CFAP46: variants seen among roughly 807,000 people sequenced by gnomAD.
CFAP46 encodes cilia and flagella associated protein 46.
CFAP46 carries 245 observed loss-of-function variants against 325.7 expected under a neutral mutation model. That is an observed-to-expected ratio of 0.75 (90% CI 0.68 to 0.84). The LOEUF is 0.84. CFAP46 is among the 40% of genes least tolerant of loss of function. CFAP46 has a pLI of 0.00. For synonymous variants in CFAP46, 1,523 were observed against 1,495.9 expected (o/e 1.02, Z -0.42); for missense variants, 3,346 against 3,543.0 (o/e 0.94, Z 1.41).
Position 132,817,630 on chromosome 10 carries a change from G to A in CFAP46, c.7118-2716C>T, listed in dbSNP as rs751822797. On this transcript the variant is annotated intron_variant, in intron 50 of 57. Transcript: ENST00000368586. The surrounding 1 kb of genome is among the most constrained non-coding windows in gnomAD (Gnocchi z 4.4). ...CCGACTCTCTGGTGGTGTCCTTAGC[G>A]CTTTACGGCAGTGCGGCCACACCTG... Among the ~76,000 whole-genome samples the A allele has an allele frequency of 1.1e-4, 17 of 152,180 alleles. No homozygotes were observed. The highest frequency in any genetic ancestry group is 1.9e-4 in the Non-Finnish European group (13 of 68,038).
At position 132,883,754 on chromosome 10, in the gene CFAP46, G is replaced by C. The variant is rs551365302; in HGVS notation, c.3627+1349C>G. Among the ~76,000 whole-genome samples, 4 of 152,316 alleles carry C rather than the reference G, an allele frequency of 2.6e-5. No individual in the cohort carries two copies. The South Asian group carries it at 8.3e-4, about 32-fold the overall frequency. ...GACTGTAAGACACATAACGGAATACGACTCAGTCCTAAACGGGAATGATGG... is the reference window on the plus strand; with the variant it reads ...GACTGTAAGACACATAACGGAATACCACTCAGTCCTAAACGGGAATGATGG... On this transcript the variant is annotated intron_variant, in intron 27 of 57. Transcript: ENST00000368586.
At chr10:132,859,656 C>T (rs1043771042) in intron 37 of CFAP46, among the ~76,000 whole-genome samples, 15 of 152,170 alleles carry the variant, frequency 9.9e-5, no homozygotes, top group African/African-American at 7.2e-5. Flanking sequence ...AGGCATGAGG[C>T]CGCCGCCCCG....
intron 27 of CFAP46, among the ~76,000 whole-genome samples, chr10:132,883,452 G>T (rs1202434463): frequency 6.6e-6 from 1 of 152,264 alleles, no homozygotes. Flanking sequence ...GGCACAGCTA[G>T]AATAGTCAGA....
chr10:132,867,401 T>C lies in CFAP46; in HGVS notation c.4717A>G (p.Ile1573Val). Reference protein sequence around the residue: ...EQTLPVQPGEIKPLDAKDKIL... With the variant: ...EQTLPVQPGEVKPLDAKDKIL... ...TTGTCCTTGGCGTCCAGTGGTTTGA[T>C]CTCCCCAGGCTGGACAGGAAGTGTC... The change falls in exon 34 of 58, where the codon ATC becomes GTC. Residue 1573 changes from isoleucine to valine, a missense_variant. Transcript: ENST00000368586. 6.5e-7 allele frequency: 1 copy of C among 1,550,378 alleles called. No homozygotes were observed. Among genetic ancestry groups the C allele is most frequent in the Non-Finnish European group, 8.7e-7 (1 of 1,146,932 alleles).
intron 17 of CFAP46, among the ~76,000 whole-genome samples, 155 bp downstream of exon 17, chr10:132,916,394 T>C (rs1849639038): frequency 6.6e-6 from 1 of 152,226 alleles, no homozygotes; most frequent in African/African-American, 2.4e-5. Context: ...TTTCATGGTC[T>C]CAGTCATTTA....
chr10:132,816,328 CTTTTTTTTTT>C (rs1008391673), intron 50 of CFAP46, among the ~76,000 whole-genome samples: 2 of 118,842 alleles, frequency 1.7e-5, no homozygotes. Context: ...CTGACTTCTT[CTTTTTTTTTT>C]TTTTTTTTTT....
chr10:132,898,235 T>C (rs1849343972), intron 24 of CFAP46, among the ~76,000 whole-genome samples: 1 of 152,146 alleles, frequency 6.6e-6, no homozygotes, highest in African/African-American at 2.4e-5. Context: ...GGGAGCTGCA[T>C]CCACAGACCT....
intron 11 of CFAP46, 124 bp from the exon 12 acceptor site, chr10:132,922,832 C>A: frequency 1.4e-6 from 1 of 740,330 alleles, no homozygotes; most frequent in Non-Finnish European, 2.2e-6. Flanking sequence ...TGCCCGGTGC[C>A]CCTGGCTTTC....
rs759635102 is a variant in CFAP46 at position 132,885,776 on chromosome 10, C to CAT, written c.3443+44_3443+45insAT. 1.5e-4 allele frequency: 201 copies of CAT among 1,345,780 alleles called. 2 individuals carry two copies. In the African/African-American group the frequency reaches 5.6e-3, roughly 38 times the overall value. 83.4% of individuals were successfully genotyped at this position (1,345,780 alleles called of 1,614,324 possible). On this transcript the variant is annotated intron_variant, in intron 26 of 57. Transcript: ENST00000368586. ...ACTCACAGGCGGTGGGGGGAGCACT[C>CAT]AGGCGGTGGAGGGAGCACTCACAGG...
Position 132,878,053 on chromosome 10 carries a change from T to G in CFAP46, c.4040A>C (p.Glu1347Ala). The G allele has an allele frequency of 6.4e-7, 1 of 1,550,714 alleles. No individual in the cohort carries two copies. The change falls in exon 30 of 58, where the codon GAA (glutamate) becomes GCA (alanine). Residue 1347 changes from glutamate (E) to alanine (A), a missense_variant. Transcript: ENST00000368586. ...GCTGGTTGCTGCCAGGGGTCTGTTT[T>G]CCAGAACTGATTTTCCTGCTGTCAT... is the stretch of plus-strand genomic sequence containing the variant. The part of the protein sequence containing the change: ...SLMTAGKSVL[E>A]NRPLAATSSH...
chr10:132,881,616 G>T (rs139005187), intron 27 of CFAP46, among the ~76,000 whole-genome samples: 1,396 of 114,448 alleles, frequency 0.012, 12 homozygotes, highest in South Asian at 0.059. Context: ...AGCCTGCACC[G>T]CACCCTCCGC....
chr10:132,823,823 G>GCA, intron 50 of CFAP46, among the ~76,000 whole-genome samples: 1 of 141,936 alleles, frequency 7.0e-6, no homozygotes, highest in African/African-American at 2.6e-5. Context: ...CTGTGTGAGT[G>GCA]CTGATGTGTG....
At position 132,885,820 on chromosome 10, in the gene CFAP46, C is replaced by A; in HGVS notation, c.3443+1G>T. 1 of 1,499,744 alleles carries A rather than the reference C, an allele frequency of 6.7e-7. No homozygotes were observed. Among genetic ancestry groups the A allele is most frequent in the South Asian group, 1.2e-5 (1 of 82,380 alleles). The allele number at this position is 1,499,744 out of a possible 1,614,324, so 92.9% of individuals were successfully genotyped here. A position where few individuals can be genotyped will look rare whatever the true frequency, so the allele number is the denominator to read the frequency against. On this transcript the variant is annotated splice_donor_variant, in intron 26 of 57. Transcript: ENST00000368586. LOFTEE classifies it high-confidence loss of function. ...TCACAGGCGGTGGGGGGAGCACTCA[C>A]AGGCGGTGGGCCGTCCTTGGCAGCA...
At position 132,850,570 on chromosome 10, in the gene CFAP46, G is replaced by A. The variant is rs536494717; in HGVS notation, c.5764-138C>T. 4.0e-5 allele frequency: 33 copies of A among 818,662 alleles called. No individual in the cohort carries two copies. In the South Asian group the frequency reaches 5.7e-4, roughly 14 times the overall value. 50.7% of individuals were successfully genotyped at this position (818,662 alleles called of 1,614,324 possible). A position where few individuals can be genotyped will look rare whatever the true frequency, so the allele number is the denominator to read the frequency against. ...AGCTCTGAGAAAGCCTTGCCCCGCA[G>A]GGAGGGTCTCCAGGGCTCTGGTGTG... is the stretch of plus-strand genomic sequence containing the variant. On this transcript the variant is annotated intron_variant, in intron 40 of 57. Coordinates refer to ENST00000368586, the MANE Select transcript of CFAP46 (RefSeq NM_001200049.3).
At chr10:132,852,735 A>T (rs72855949) in intron 39 of CFAP46, among the ~76,000 whole-genome samples, 8,182 of 152,346 alleles carry the variant, frequency 0.054, 309 homozygotes, top group Non-Finnish European at 0.077. Context: ...TTACCTAGGT[A>T]TTCTCAAATT....
In CFAP46 at chr10:132,922,712, CG is replaced by C. The variant is rs1564802068; in HGVS notation, c.1257-5del. The C allele has an allele frequency of 1.3e-6, 2 of 1,542,886 alleles. No homozygotes were observed. Among genetic ancestry groups the C allele is most frequent in the Non-Finnish European group, 1.8e-6 (2 of 1,141,292 alleles). Reference sequence around the variant, plus strand: ...ACAGCGGAGAAGCGTCATGAGGCTGCGGGGGTGGCGTGGCATCAGGGGCCCT... The same window carrying C: ...ACAGCGGAGAAGCGTCATGAGGCTGCGGGGTGGCGTGGCATCAGGGGCCCT... On this transcript the variant is annotated splice_polypyrimidine_tract_variant and splice_region_variant and intron_variant, in intron 11 of 57. Transcript: ENST00000368586.
chr10:132,881,053 G>C, intron 27 of CFAP46, 21 bp from the exon 28 acceptor site: 1 of 1,548,890 alleles, frequency 6.5e-7, no homozygotes. Flanking sequence ...GAACAGGAAG[G>C]GTGACATCCT....
intron 50 of CFAP46, among the ~76,000 whole-genome samples, chr10:132,815,332 C>T (rs550811197): frequency 6.6e-5 from 10 of 152,312 alleles, no homozygotes; most frequent in African/African-American, 2.2e-4. Flanking sequence ...ATGGCCACTT[C>T]CCTCCTGTTT....
Position 132,832,294 on chromosome 10 carries a change from C to G in CFAP46, c.7117+1064G>C, listed in dbSNP as rs1418797819. ...GAGTGGCCGTTCCTTGCAGCTCTCT[C>G]CTTCCAGGTGTCCCGCCCTGCACGT... is the stretch of plus-strand genomic sequence containing the variant. On this transcript the variant is annotated intron_variant, in intron 50 of 57. Coordinates refer to ENST00000368586, the MANE Select transcript of CFAP46 (RefSeq NM_001200049.3). This position sits in a 1 kb window ranked among gnomAD's most constrained non-coding sequence, Gnocchi z 4.1. 6.6e-6 allele frequency among the ~76,000 whole-genome samples: 1 copy of G among 152,004 alleles called. No homozygotes were observed. The highest frequency in any genetic ancestry group is 1.5e-5 in the Non-Finnish European group (1 of 68,014).
Sources: gnomAD v4.1 joint callset for allele counts (sites outside exome capture counted in the v4.1 genomes callset) on GRCh38, gnomAD v4.1.1 for gene constraint, Gnocchi (gnomAD v3.1) non-coding constraint, MANE v1.5 for transcripts, NCBI Gene and HGNC (gene_info 2026-07-23, HGNC 2026-07-21) for gene names.